The following PXN variants were observed in gnomAD, a reference collection of about 807,000 sequenced individuals.
PXN encodes testicular tissue protein Li 134.
PXN carries 61 observed loss-of-function variants against 103.6 expected under a neutral mutation model. The observed-to-expected ratio is 0.59, with a 90% CI of 0.48 to 0.73. The LOEUF is 0.73. Among genes scored for constraint, PXN ranks in the 30% least tolerant of loss-of-function variants. The probability of loss-of-function intolerance (pLI) is 0.00; values close to 1 mark genes in which losing one functional copy is unlikely to be tolerated. For synonymous variants in PXN, 562 were observed against 607.8 expected, an observed-to-expected ratio of 0.92 and a Z score of 1.11; for missense variants, 1,274 against 1,460.3, an observed-to-expected ratio of 0.87 and a Z score of 2.08.
intron 1 of PXN, among the ~76,000 whole-genome samples, chr12:120,261,483 G>C (rs764564795): frequency 6.6e-6 from 1 of 152,118 alleles, no homozygotes; most frequent in Non-Finnish European, 1.5e-5. Flanking sequence ...GAGCCACCAT[G>C]CCCGGCAGAT....
intron 1 of PXN, among the ~76,000 whole-genome samples, chr12:120,243,253 G>T (rs886327379): frequency 6.6e-6 from 1 of 152,184 alleles, no homozygotes; most frequent in Non-Finnish European, 1.5e-5. Flanking sequence ...AGGATAAAAA[G>T]GATCCATCCT....
Position 120,215,759 on chromosome 12 carries a change from A to G in PXN, c.2302-98T>C. On this transcript the variant is annotated intron_variant, in intron 9 of 14. Transcript: ENST00000637617. The surrounding 1 kb of genome is among the most constrained non-coding windows in gnomAD (Gnocchi z 4.9). Reference sequence around the variant, plus strand: ...GGACTAAAAGGGAATCTAGGATGAGATCTGAGGGTTTCTCCCCCACCGGCA... The same window carrying G: ...GGACTAAAAGGGAATCTAGGATGAGGTCTGAGGGTTTCTCCCCCACCGGCA... The G allele has an allele frequency of 7.3e-7, 1 of 1,361,210 alleles. No homozygotes were observed. The highest frequency in any genetic ancestry group is 2.6e-5 in the East Asian group (1 of 37,764). 84.3% of individuals were successfully genotyped at this position (1,361,210 alleles called of 1,614,324 possible). A position where few individuals can be genotyped will look rare whatever the true frequency, so the allele number is the denominator to read the frequency against.
At position 120,212,652 on chromosome 12, in the gene PXN, G is replaced by C. The variant is rs774604481; in HGVS notation, c.2980-72C>G. The C allele has an allele frequency of 3.9e-5, 61 of 1,545,422 alleles. No individual in the cohort carries two copies. Among genetic ancestry groups the C allele is most frequent in the Non-Finnish European group, 4.6e-5 (52 of 1,142,656 alleles). ...GCTGCACCCTGTGTGATGGGGCCGAGGTGGGCATAGTCGGCACGCTCGGAG... is the reference window on the plus strand; with the variant it reads ...GCTGCACCCTGTGTGATGGGGCCGACGTGGGCATAGTCGGCACGCTCGGAG... On this transcript the variant is annotated intron_variant, in intron 14 of 14. Transcript: ENST00000637617. The surrounding 1 kb of genome is among the most constrained non-coding windows in gnomAD (Gnocchi z 7.2).
intron 1 of PXN, among the ~76,000 whole-genome samples, chr12:120,264,775 C>A (rs1894420750): frequency 1.3e-5 from 2 of 152,198 alleles, no homozygotes; most frequent in Non-Finnish European, 2.9e-5. Flanking sequence ...CCACCTCATT[C>A]CCCTGGCATT....
chr12:120,255,337 A>T (rs901943824), intron 1 of PXN, among the ~76,000 whole-genome samples: 1 of 152,204 alleles, frequency 6.6e-6, no homozygotes, highest in Non-Finnish European at 1.5e-5. Context: ...ATATGCAGCT[A>T]AAGGGTGAGA....
chr12:120,239,618 A>G (rs952076880), intron 1 of PXN, among the ~76,000 whole-genome samples: 1 of 152,130 alleles, frequency 6.6e-6, no homozygotes, highest in Non-Finnish European at 1.5e-5. Context: ...GTGGTGGTGC[A>G]TGCCTGTAAT....
chr12:120,256,577 G>A (rs898931126), intron 1 of PXN, among the ~76,000 whole-genome samples: 3 of 151,770 alleles, frequency 2.0e-5, no homozygotes, highest in Non-Finnish European at 1.5e-5. Flanking sequence ...GGACGTGGGG[G>A]GTGGAGTAAA....
In PXN at chr12:120,221,222, C is replaced by G. The variant is rs945911851; in HGVS notation, c.831+401G>C. Among the ~76,000 whole-genome samples the G allele has an allele frequency of 2.6e-5, 4 of 152,138 alleles. No homozygotes were observed. Among genetic ancestry groups the G allele is most frequent in the African/African-American group, 9.7e-5 (4 of 41,420 alleles). ...GAGATGGGGCTCCAGGGCAAATGAC[C>G]TCCCAGGCACAGGCTCCCAAGTCCC... On this transcript the variant is annotated intron_variant, in intron 6 of 14. Transcript: ENST00000637617. The surrounding 1 kb of genome is among the most constrained non-coding windows in gnomAD (Gnocchi z 6.6).
intron 1 of PXN, among the ~76,000 whole-genome samples, chr12:120,230,348 T>C (rs1409847368): frequency 6.6e-6 from 1 of 152,172 alleles, no homozygotes; most frequent in Non-Finnish European, 1.5e-5. Flanking sequence ...CCCAGCCTCA[T>C]GGCCTGTCTA....
At chr12:120,264,231 C>T (rs1353627958) in intron 1 of PXN, 1 of 152,316 alleles carries the variant, frequency 6.6e-6, no homozygotes, top group Non-Finnish European at 1.5e-5. Context: ...AAGTCCAGCA[C>T]CTACAAATAG....
At chr12:120,223,519 C>T (rs1885887339) in intron 3 of PXN, among the ~76,000 whole-genome samples, 199 bp downstream of exon 3, 1 of 152,140 alleles carries the variant, frequency 6.6e-6, no homozygotes, top group South Asian at 2.1e-4. Flanking sequence ...GCTGTGATAG[C>T]CCAGAATGTC....
In PXN at chr12:120,215,366, C is replaced by G. The variant is rs1566358297; in HGVS notation, c.2404-93G>C. 1 of 1,485,396 alleles carries G rather than the reference C, an allele frequency of 6.7e-7. No homozygotes were observed. Among genetic ancestry groups the G allele is most frequent in the Non-Finnish European group, 8.9e-7 (1 of 1,119,416 alleles). 92.0% of individuals were successfully genotyped at this position (1,485,396 alleles called of 1,614,324 possible). A position where few individuals can be genotyped will look rare whatever the true frequency, so the allele number is the denominator to read the frequency against. On this transcript the variant is annotated intron_variant, in intron 10 of 14. Transcript: ENST00000637617. This position sits in a 1 kb window ranked among gnomAD's most constrained non-coding sequence, Gnocchi z 4.9. ...TGGGGGTACTTTTCTCCCTCCTGGACAGATGAGCTGATGGAGACAAGAAGT... is the reference window on the plus strand; with the variant it reads ...TGGGGGTACTTTTCTCCCTCCTGGAGAGATGAGCTGATGGAGACAAGAAGT...
In PXN at chr12:120,214,910, T is replaced by C; in HGVS notation, c.2663A>G (p.Glu888Gly). The change falls in exon 12 of 15, where the codon GAG (glutamate) becomes GGG (glycine). Residue 888 changes from glutamate (E) to glycine (G), a missense_variant. By Grantham distance (98) the Glu-to-Gly change is moderately conservative. Transcript: ENST00000637617. The surrounding 1 kb of genome is among the most constrained non-coding windows in gnomAD (Gnocchi z 5.0). ...QEEIGSRNFF[E>G]RDGQPYCEKD... ...TTCACAGTAGGGCTGTCCATCCCGC[T>C]CGAAGAAGTTCCGGGATCCGATCTC... 1 of 1,614,000 alleles carries C rather than the reference T, an allele frequency of 6.2e-7. No homozygotes were observed. The highest frequency in any genetic ancestry group is 2.2e-5 in the East Asian group (1 of 44,884).
chr12:120,215,772 TC>T lies in PXN; in HGVS notation c.2302-112del. ...ATCTAGGATGAGATCTGAGGGTTTC[TC>T]CCCCACCGGCAGGACCAAAATTGGG... On this transcript the variant is annotated intron_variant, in intron 9 of 14. Transcript: ENST00000637617. The surrounding 1 kb of genome is among the most constrained non-coding windows in gnomAD (Gnocchi z 4.9). The T allele has an allele frequency of 1.5e-6, 2 of 1,300,488 alleles. No individual in the cohort carries two copies. Among genetic ancestry groups the T allele is most frequent in the Non-Finnish European group, 2.0e-6 (2 of 991,734 alleles). 80.6% of individuals were successfully genotyped at this position (1,300,488 alleles called of 1,614,324 possible). A position where few individuals can be genotyped will look rare whatever the true frequency, so the allele number is the denominator to read the frequency against.
chr12:120,257,595 T>C (rs1448074498), intron 1 of PXN, among the ~76,000 whole-genome samples: 1 of 152,140 alleles, frequency 6.6e-6, no homozygotes, highest in Non-Finnish European at 1.5e-5. Flanking sequence ...GGGCCACTGG[T>C]GCCAGAATCC....
At chr12:120,249,469 C>A (rs1462268604) in intron 1 of PXN, among the ~76,000 whole-genome samples, 3 of 152,054 alleles carry the variant, frequency 2.0e-5, no homozygotes, top group African/African-American at 7.2e-5. Context: ...CCAGTGGTGC[C>A]CAAAGGAGCT....
chr12:120,238,875 T>TG (rs931180008), intron 1 of PXN, among the ~76,000 whole-genome samples: 1 of 152,158 alleles, frequency 6.6e-6, no homozygotes, highest in African/African-American at 2.4e-5. Context: ...TAGCTATGTA[T>TG]GGGGGGCACA....
Position 120,226,924 on chromosome 12 carries a change from C to A in PXN, c.14-2547G>T, listed in dbSNP as rs1040104502. ...AGTTGCAAATATCAGGCTCTCCAGACCCAAGTCACTCTGCAGGAGGAAGCT... is the reference window on the plus strand; with the variant it reads ...AGTTGCAAATATCAGGCTCTCCAGAACCAAGTCACTCTGCAGGAGGAAGCT... On this transcript the variant is annotated intron_variant, in intron 1 of 14. Transcript: ENST00000637617. 6.1e-6 allele frequency: 6 copies of A among 991,346 alleles called. No individual in the cohort carries two copies. The African/African-American group carries it at 1.0e-4, about 17-fold the overall frequency. 61.4% of individuals were successfully genotyped at this position (991,346 alleles called of 1,614,324 possible).
chr12:120,222,126 C>T lies in PXN; in HGVS notation c.696-368G>A, dbSNP rs1269853366. On this transcript the variant is annotated intron_variant, in intron 5 of 14. Transcript: ENST00000637617. The surrounding 1 kb of genome is among the most constrained non-coding windows in gnomAD (Gnocchi z 4.7). ...CACCATGTGTGCCACGCACTACACA[C>T]CAGAAACCATTCCAAGCGCTTTACA... 2.6e-5 allele frequency among the ~76,000 whole-genome samples: 4 copies of T among 152,218 alleles called. No individual in the cohort carries two copies. The highest frequency in any genetic ancestry group is 5.9e-5 in the Non-Finnish European group (4 of 68,030).
Sources: gnomAD v4.1 joint callset for allele counts (sites outside exome capture counted in the v4.1 genomes callset) on GRCh38, gnomAD v4.1.1 for gene constraint, Gnocchi (gnomAD v3.1) non-coding constraint, MANE v1.5 for transcripts, NCBI Gene and HGNC (gene_info 2026-07-23, HGNC 2026-07-21) for gene names.